ATP9A: variants seen among roughly 807,000 people sequenced by gnomAD.
ATP9A encodes probable phospholipid-transporting ATPase IIA.
A neutral mutation model predicts 144.1 loss-of-function variants in ATP9A; 52 were observed. That is an observed-to-expected ratio of 0.36 (90% CI 0.29 to 0.45). ATP9A has a LOEUF of 0.45. Ranked by LOEUF, ATP9A falls within the 20% of genes least tolerant of loss-of-function variation. The probability of loss-of-function intolerance (pLI) is 1.00; values close to 1 mark genes in which losing one functional copy is unlikely to be tolerated. For missense variants in ATP9A, 947 were observed against 1,392.7 expected (o/e 0.68, Z 5.09); for synonymous variants, 582 against 557.4 (o/e 1.04, Z -0.62).
chr20:51,729,258 A>G (rs1555842305), intron 2 of ATP9A, among the ~76,000 whole-genome samples: 1 of 152,158 alleles, frequency 6.6e-6, no homozygotes, highest in Non-Finnish European at 1.5e-5. Context: ...GGCTTAGCAC[A>G]CCAAATACAT....
chr20:51,653,701 C>T (rs1158987667), intron 14 of ATP9A, among the ~76,000 whole-genome samples: 3 of 151,826 alleles, frequency 2.0e-5, no homozygotes, highest in African/African-American at 7.3e-5. Flanking sequence ...GCATGAGAAT[C>T]GCTTGAACCC....
intron 9 of ATP9A, among the ~76,000 whole-genome samples, chr20:51,688,314 C>T (rs2077532354): frequency 6.6e-6 from 1 of 152,182 alleles, no homozygotes; most frequent in African/African-American, 2.4e-5. Context: ...ACCAATGGGC[C>T]AGGTGCAGTG....
At chr20:51,725,556 C>T (rs938853339) in intron 3 of ATP9A, among the ~76,000 whole-genome samples, 2 of 152,182 alleles carry the variant, frequency 1.3e-5, no homozygotes, top group African/African-American at 2.4e-5. Flanking sequence ...AATAAACATA[C>T]AATAAATCCT....
chr20:51,680,225 T>TAAA (rs11478096), intron 9 of ATP9A, among the ~76,000 whole-genome samples: 27,227 of 122,856 alleles, frequency 0.22, 3,156 homozygotes, highest in African/African-American at 0.32. Context: ...GAGACTGTCT[T>TAAA]AAAAAAAAAA....
At chr20:51,672,452 A>G (rs2077460049) in intron 11 of ATP9A, among the ~76,000 whole-genome samples, 1 of 152,166 alleles carries the variant, frequency 6.6e-6, no homozygotes, top group East Asian at 1.9e-4. Flanking sequence ...TTTGAAGGCT[A>G]CCACGTCACT....
rs1291308844 is a variant in ATP9A, at chr20:51,598,382, C to T, written c.*2829G>A. 6.6e-6 allele frequency: 1 copy of T among 152,142 alleles called. No homozygotes were observed. Among genetic ancestry groups the T allele is most frequent in the Non-Finnish European group, 1.5e-5 (1 of 68,028 alleles). 9.4% of individuals were successfully genotyped at this position (152,142 alleles called of 1,614,324 possible). A position where few individuals can be genotyped will look rare whatever the true frequency, so the allele number is the denominator to read the frequency against. On this transcript the variant is annotated 3_prime_UTR_variant, in exon 28 of 28. Transcript: ENST00000338821. ...TTTGCTTTCAGGAAAAGTGTTCAAA[C>T]AGTGCTGACTGTGTACCTCAAGGCC...
intron 4 of ATP9A, among the ~76,000 whole-genome samples, chr20:51,710,211 G>A (rs947312622): frequency 2.6e-5 from 4 of 152,168 alleles, no homozygotes; most frequent in Admixed American, 1.3e-4. Context: ...GCTGAGGCAG[G>A]AGAATCGCTT....
In ATP9A at chr20:51,598,562, G is replaced by A. The variant is rs574720210; in HGVS notation, c.*2649C>T. On this transcript the variant is annotated 3_prime_UTR_variant, in exon 28 of 28. Coordinates refer to ENST00000338821, the MANE Select transcript of ATP9A (RefSeq NM_006045.3). ...ATGCTTAAGGTTTACAAACTCAGGA[G>A]AGTTTCTTGTATAGTAACTCTAGTT... 6.6e-5 allele frequency: 10 copies of A among 152,262 alleles called. No homozygotes were observed. Among genetic ancestry groups the A allele is most frequent in the African/African-American group, 2.4e-4 (10 of 41,564 alleles). The allele number at this position is 152,262 out of a possible 1,614,324, so 9.4% of individuals were successfully genotyped here. A position where few individuals can be genotyped will look rare whatever the true frequency, so the allele number is the denominator to read the frequency against.
intron 1 of ATP9A, among the ~76,000 whole-genome samples, chr20:51,735,361 A>C (rs1363593591): frequency 6.6e-6 from 1 of 151,426 alleles, no homozygotes; most frequent in African/African-American, 2.4e-5. Flanking sequence ...CTCCACGACG[A>C]GCTAATAACA....
At chr20:51,707,162 G>C (rs78003945) in intron 4 of ATP9A, among the ~76,000 whole-genome samples, 1 of 152,154 alleles carries the variant, frequency 6.6e-6, no homozygotes, top group Admixed American at 6.5e-5. Flanking sequence ...CCATGTTCAG[G>C]TGGGTCCCGT....
chr20:51,683,368 G>T (rs182675518), intron 9 of ATP9A, among the ~76,000 whole-genome samples: 3 of 151,986 alleles, frequency 2.0e-5, no homozygotes, highest in African/African-American at 7.2e-5. Flanking sequence ...AGGTTCAAAC[G>T]ATTCTCCTGC....
At chr20:51,620,412 T>C (rs934458009) in intron 19 of ATP9A, among the ~76,000 whole-genome samples, 5 of 152,220 alleles carry the variant, frequency 3.3e-5, no homozygotes, top group Non-Finnish European at 5.9e-5. Flanking sequence ...AACCATCACC[T>C]GTAGGGGAAA....
intron 10 of ATP9A, among the ~76,000 whole-genome samples, chr20:51,675,653 G>T (rs2077473842): frequency 6.6e-6 from 1 of 152,194 alleles, no homozygotes; most frequent in Admixed American, 6.5e-5. Flanking sequence ...GCCGAGGAGG[G>T]AGGATCACTT....
chr20:51,619,220 C>T (rs528151074), intron 19 of ATP9A, among the ~76,000 whole-genome samples, 177 bp from the exon 20 acceptor site: 103 of 152,296 alleles, frequency 6.8e-4, no homozygotes, highest in Non-Finnish European at 1.1e-3. Context: ...CTGCAGGAAT[C>T]AAGAGAGCCC....
chr20:51,676,258 A>C, intron 9 of ATP9A, 50 bp from the exon 10 acceptor site: 12 of 1,399,110 alleles, frequency 8.6e-6, no homozygotes, highest in African/African-American at 1.5e-5. Context: ...ATTAATACAG[A>C]CAGGCAGGCT....
Position 51,612,830 on chromosome 20 carries a change from A to T in ATP9A, c.2571+847T>A, listed in dbSNP as rs2077189763. 3.3e-5 allele frequency among the ~76,000 whole-genome samples: 5 copies of T among 152,188 alleles called. No homozygotes were observed. The South Asian group carries it at 1.0e-3, about 32-fold the overall frequency. ...GATGGGAACAAGATGTTAACTTCCA[A>T]GGGTATTCGTGATCATAATAATTAA... On this transcript the variant is annotated intron_variant, in intron 23 of 27. Transcript: ENST00000338821.
chr20:51,717,805 T>G (rs996207977), intron 3 of ATP9A, among the ~76,000 whole-genome samples: 2 of 151,896 alleles, frequency 1.3e-5, no homozygotes, highest in Non-Finnish European at 2.9e-5. Context: ...AATACAAAAC[T>G]TAGCCGAGCA....
rs550481804 is a variant in ATP9A, at chr20:51,759,671, C to T, written c.68+8631G>A. Among the ~76,000 whole-genome samples, 7 of 151,878 alleles carry T rather than the reference C, an allele frequency of 4.6e-5. No individual in the cohort carries two copies. The South Asian group carries it at 1.5e-3, about 32-fold the overall frequency. Reference sequence around the variant, plus strand: ...CTGGGCGACAAGAGCAAGATTCTGTCACAAAAATAATAATAATAATAAATA... The same window carrying T: ...CTGGGCGACAAGAGCAAGATTCTGTTACAAAAATAATAATAATAATAAATA... On this transcript the variant is annotated intron_variant, in intron 1 of 27. Coordinates refer to ENST00000338821, the MANE Select transcript of ATP9A (RefSeq NM_006045.3).
intron 1 of ATP9A, among the ~76,000 whole-genome samples, chr20:51,741,689 G>A (rs2077785913): frequency 6.6e-6 from 1 of 152,188 alleles, no homozygotes. Context: ...GGATTTCTAT[G>A]ATCTCCAAAT....
Sources: allele counts gnomAD v4.1 joint callset (sites outside exome capture counted in the v4.1 genomes callset), GRCh38; gene constraint gnomAD v4.1.1; transcripts MANE v1.5; gene names NCBI Gene and HGNC (gene_info 2026-07-23, HGNC 2026-07-21).